MTMR8: variants seen among roughly 807,000 people sequenced by gnomAD.
MTMR8 encodes the protein phosphatidylinositol-3,5-bisphosphate 3-phosphatase MTMR8.
MTMR8 carries 65 observed loss-of-function variants against 39.3 expected under a neutral mutation model. The observed-to-expected ratio is 1.65, with a 90% CI of 1.35 to 2.03. The LOEUF is 2.03. Ranked by LOEUF, MTMR8 falls within the 30% of genes most tolerant of loss-of-function variation. MTMR8 has a pLI of 0.00. For synonymous variants in MTMR8, 245 were observed against 185.2 expected, an observed-to-expected ratio of 1.32 and a Z score of -2.62; for missense variants, 777 against 538.9, an observed-to-expected ratio of 1.44 and a Z score of -4.37.
At chrX:64,289,102 T>C (rs909379510) in intron 12 of MTMR8, among the ~76,000 whole-genome samples, 1 of 110,096 alleles carries the variant, frequency 9.1e-6, no homozygotes, top group Non-Finnish European at 1.9e-5. Flanking sequence ...TTATAAAGTG[T>C]GCAAAGGACT....
chrX:64,324,814 CAAAAAA>C (rs758476355), intron 12 of MTMR8, among the ~76,000 whole-genome samples: 20 of 28,738 alleles, frequency 7.0e-4, no homozygotes, highest in African/African-American at 1.4e-3. Flanking sequence ...TGTTGCTCAC[CAAAAAA>C]AAAAAAAAAA....
intron 12 of MTMR8, among the ~76,000 whole-genome samples, chrX:64,298,149 T>C (rs1384233667): frequency 1.1e-5 from 1 of 92,669 alleles, no homozygotes; most frequent in East Asian, 3.5e-4. Context: ...GGGGATGGCA[T>C]TGAATCTGTA....
intron 12 of MTMR8, among the ~76,000 whole-genome samples, chrX:64,327,281 T>C (rs768246510): frequency 8.9e-6 from 1 of 111,864 alleles, no homozygotes; most frequent in Non-Finnish European, 1.9e-5. Flanking sequence ...ATTTGCAAAC[T>C]ACCCTTCTAA....
chrX:64,323,080 G>T (rs1272863503), intron 12 of MTMR8, among the ~76,000 whole-genome samples: 1 of 112,274 alleles, frequency 8.9e-6, no homozygotes, highest in Non-Finnish European at 1.9e-5. Context: ...TGTGACAATG[G>T]CATACCAGCC....
At chrX:64,295,812 T>A (rs1287156643) in intron 12 of MTMR8, among the ~76,000 whole-genome samples, 4 of 111,711 alleles carry the variant, frequency 3.6e-5, no homozygotes, top group African/African-American at 1.3e-4. Context: ...AAAAATGCAA[T>A]TATTGGTGAG....
intron 4 of MTMR8, 134 bp from the exon 5 acceptor site, chrX:64,350,204 G>C (rs1453840050): frequency 6.9e-6 from 2 of 289,220 alleles, no homozygotes; most frequent in Non-Finnish European, 1.0e-5. Context: ...TTTTCATAGA[G>C]TAAGTCACAC....
At chrX:64,374,540 C>T (rs1416594801) in intron 1 of MTMR8, among the ~76,000 whole-genome samples, 1 of 111,355 alleles carries the variant, frequency 9.0e-6, no homozygotes, top group African/African-American at 3.3e-5. Context: ...ACAAATCAGG[C>T]AAGGAAGTAC....
At chrX:64,279,662 A>T (rs1004387568) in intron 12 of MTMR8, among the ~76,000 whole-genome samples, 18 of 112,024 alleles carry the variant, frequency 1.6e-4, no homozygotes, top group Admixed American at 2.8e-4. Context: ...ATTGCAAGGG[A>T]CCCTGAATAG....
At chrX:64,364,591 C>T (rs189472743) in intron 1 of MTMR8, among the ~76,000 whole-genome samples, 2 of 111,545 alleles carry the variant, frequency 1.8e-5, no homozygotes, top group Non-Finnish European at 3.8e-5. Flanking sequence ...ACGTCCACAC[C>T]AAAATCCCAT....
intron 12 of MTMR8, among the ~76,000 whole-genome samples, chrX:64,302,868 C>G (rs73522782): frequency 1.4e-3 from 161 of 112,251 alleles, no homozygotes; most frequent in African/African-American, 4.9e-3. Flanking sequence ...GCTGTGCTGC[C>G]TAGCAACATC....
intron 9 of MTMR8, among the ~76,000 whole-genome samples, chrX:64,336,799 CA>C (rs1024210790): frequency 9.0e-6 from 1 of 110,517 alleles, no homozygotes; most frequent in South Asian, 3.8e-4. Flanking sequence ...TACTTCAAAA[CA>C]AAAAAACAAA....
At chrX:64,322,960 G>A (rs765635329) in intron 12 of MTMR8, among the ~76,000 whole-genome samples, 1 of 112,837 alleles carries the variant, frequency 8.9e-6, no homozygotes, top group Non-Finnish European at 1.9e-5. Context: ...GATGTGCACA[G>A]TCAGCACACT....
At chrX:64,389,724 T>C (rs143407734) in intron 1 of MTMR8, among the ~76,000 whole-genome samples, 1,536 of 111,772 alleles carry the variant, frequency 0.014, 30 homozygotes, top group African/African-American at 0.046. Context: ...TTGGCTCTGA[T>C]GGAGAGAGGA....
intron 12 of MTMR8, among the ~76,000 whole-genome samples, chrX:64,318,706 TTG>T (rs1201075055): frequency 1.1e-4 from 10 of 92,728 alleles, no homozygotes; most frequent in Non-Finnish European, 1.7e-4. Context: ...GTTTGGTTTT[TTG>T]TTTTTTTTTT....
intron 1 of MTMR8, among the ~76,000 whole-genome samples, chrX:64,368,013 C>T (rs888139305): frequency 3.6e-5 from 4 of 111,545 alleles, no homozygotes; most frequent in African/African-American, 1.3e-4. Context: ...ATAAATGCTA[C>T]AAAGAGAATA....
intron 1 of MTMR8, among the ~76,000 whole-genome samples, chrX:64,368,908 T>G (rs1248474441): frequency 8.9e-6 from 1 of 111,862 alleles, no homozygotes; most frequent in Non-Finnish European, 1.9e-5. Context: ...TAAACAAAAT[T>G]ACAAGAAAAA....
In MTMR8 at chrX:64,302,287, G is replaced by T. The variant is rs200886085; in HGVS notation, c.1481+26485C>A. Among the ~76,000 whole-genome samples the T allele has an allele frequency of 4.4e-5, 5 of 112,425 alleles. 1 individual carries two copies. The East Asian group carries it at 1.4e-3, about 32-fold the overall frequency. ...CTCATGGTGCGCCGTTTTTTAAGCC[G>T]GTCTGAAAAGCGCAATATTCGGGTT... On this transcript the variant is annotated intron_variant, in intron 12 of 13. Transcript: ENST00000374852.
intron 1 of MTMR8, chrX:64,360,390 CAAAAAAAA>C: frequency 5.2e-6 from 1 of 191,140 alleles, no homozygotes; most frequent in African/African-American, 4.9e-5. Context: ...TCAAGCAGAC[CAAAAAAAA>C]AAAAAAAAAT....
chrX:64,392,128 T>G (rs1226424825), intron 1 of MTMR8, among the ~76,000 whole-genome samples: 1 of 111,886 alleles, frequency 8.9e-6, no homozygotes, highest in Non-Finnish European at 1.9e-5. Context: ...AGCTATATCT[T>G]AGATAGATCT....
Sources: allele counts gnomAD v4.1 joint callset (sites outside exome capture counted in the v4.1 genomes callset), GRCh38; gene constraint gnomAD v4.1.1; transcripts MANE v1.5; gene names NCBI Gene and HGNC (gene_info 2026-07-23, HGNC 2026-07-21).